ZNF385D: variants seen among roughly 807,000 people sequenced by gnomAD.
ZNF385D encodes the protein zinc finger protein 385D, also known as zinc finger protein 659.
Under a neutral mutation model 35.8 loss-of-function variants are expected in ZNF385D, and 15 were observed. That is an observed-to-expected ratio of 0.42 (90% CI 0.28 to 0.64). ZNF385D has a LOEUF of 0.64. Among genes scored for constraint, ZNF385D ranks in the 30% least tolerant of loss-of-function variants. The pLI, the probability that ZNF385D is intolerant of heterozygous loss-of-function variation, is 0.23. For synonymous variants in ZNF385D, 212 were observed against 186.8 expected, an observed-to-expected ratio of 1.13 and a Z score of -1.10; for missense variants, 474 against 494.6, an observed-to-expected ratio of 0.96 and a Z score of 0.39.
intron 3 of ZNF385D, among the ~76,000 whole-genome samples, chr3:21,798,521 T>C (rs1005069990): frequency 6.6e-6 from 1 of 152,168 alleles, no homozygotes; most frequent in Admixed American, 6.5e-5. Flanking sequence ...AAGCGTCTGC[T>C]GCAGTTTCTT....
At chr3:22,128,997 G>A (rs1030724640) in intron 3 of ZNF385D, among the ~76,000 whole-genome samples, 2 of 152,140 alleles carry the variant, frequency 1.3e-5, no homozygotes, top group East Asian at 1.9e-4. Flanking sequence ...AGGGAATTGA[G>A]TGTTGTGTTC....
chr3:21,460,268 TGAA>T (rs1703082345), intron 4 of ZNF385D, among the ~76,000 whole-genome samples: 1 of 152,166 alleles, frequency 6.6e-6, no homozygotes, highest in Admixed American at 6.5e-5. Context: ...AACGTAAATT[TGAA>T]GAAGACTGCT....
chr3:21,575,257 C>A lies in ZNF385D; in HGVS notation c.166-10573G>T, dbSNP rs189084213. 1.4e-3 allele frequency among the ~76,000 whole-genome samples: 220 copies of A among 152,190 alleles called. 2 individuals carry two copies. The South Asian group carries it at 0.02, about 14-fold the overall frequency. ...GAGTATCAGTCACCCAAGACCAAGA[C>A]CCAGGTCTGTGCAGGGTGGAGGTGG... On this transcript the variant is annotated intron_variant, in intron 2 of 7. Coordinates refer to ENST00000281523, the MANE Select transcript of ZNF385D (RefSeq NM_024697.3).
At chr3:21,792,419 G>A (rs1458140892) in intron 3 of ZNF385D, among the ~76,000 whole-genome samples, 1 of 152,144 alleles carries the variant, frequency 6.6e-6, no homozygotes, top group Non-Finnish European at 1.5e-5. Context: ...CTTTTTATTG[G>A]AAGATAGCCA....
chr3:22,185,549 C>A, intron 2 of ZNF385D, among the ~76,000 whole-genome samples: 1 of 152,132 alleles, frequency 6.6e-6, no homozygotes. Context: ...CTCACTGCAA[C>A]CTCCGCCTCC....
At chr3:21,866,873 A>G (rs1051216948) in intron 3 of ZNF385D, among the ~76,000 whole-genome samples, 1 of 152,172 alleles carries the variant, frequency 6.6e-6, no homozygotes. Flanking sequence ...CTTTGGGCTT[A>G]AGATAGGTCC....
intron 3 of ZNF385D, among the ~76,000 whole-genome samples, chr3:21,926,432 G>C (rs770649141): frequency 6.6e-6 from 1 of 152,074 alleles, no homozygotes; most frequent in African/African-American, 2.4e-5. Flanking sequence ...ATGGTTTCCA[G>C]CTTAATCCAT....
intron 3 of ZNF385D, among the ~76,000 whole-genome samples, chr3:21,940,847 G>T (rs1418267171): frequency 6.6e-6 from 1 of 152,100 alleles, no homozygotes; most frequent in Non-Finnish European, 1.5e-5. Flanking sequence ...TCATAATACA[G>T]AAATAGTTTT....
At chr3:21,426,764 A>G (rs527291895) in intron 5 of ZNF385D, among the ~76,000 whole-genome samples, 1 of 152,292 alleles carries the variant, frequency 6.6e-6, no homozygotes, top group East Asian at 1.9e-4. Context: ...GTTAATGAGG[A>G]AAATATATTG....
intron 3 of ZNF385D, among the ~76,000 whole-genome samples, chr3:22,057,832 A>G (rs1204190856): frequency 8.5e-5 from 13 of 152,244 alleles, no homozygotes; most frequent in East Asian, 3.9e-4. Flanking sequence ...TTAAAACCCA[A>G]TTTACTTTTC....
Position 21,728,100 on chromosome 3 carries a change from C to T in ZNF385D, c.22+22795G>A, listed in dbSNP as rs563065689. 3.3e-5 allele frequency among the ~76,000 whole-genome samples: 5 copies of T among 152,130 alleles called. No homozygotes were observed. The East Asian group carries it at 5.8e-4, about 18-fold the overall frequency. ...GAGTTGAACAATGAGAACACATGGA[C>T]ACAGGGAGTGAACATCACACATCGC... On this transcript the variant is annotated intron_variant, in intron 1 of 7. Coordinates refer to ENST00000281523, the MANE Select transcript of ZNF385D (RefSeq NM_024697.3).
chr3:22,140,301 C>T (rs1310126396), intron 3 of ZNF385D, among the ~76,000 whole-genome samples: 1 of 152,042 alleles, frequency 6.6e-6, no homozygotes, highest in Admixed American at 6.6e-5. Context: ...CATAATGCTG[C>T]CTAAAAGAAA....
In ZNF385D at chr3:22,238,362, C is replaced by G. The variant is rs117812240; in HGVS notation, c.107-69327G>C. On this transcript the variant is annotated intron_variant, in intron 2 of 5. Coordinates refer to the ZNF385D transcript ENST00000494108. Reference sequence around the variant, plus strand: ...ATTTCTCCAAAGAACATAGTTGGGACTTTGATAGAGATTGCTTTGAATCTG... The same window carrying G: ...ATTTCTCCAAAGAACATAGTTGGGAGTTTGATAGAGATTGCTTTGAATCTG... Among the ~76,000 whole-genome samples, 315 of 151,092 alleles carry G rather than the reference C, an allele frequency of 2.1e-3. 13 individuals carry two copies. The highest frequency in any genetic ancestry group is 0.016 in the East Asian group (83 of 5,106).
intron 2 of ZNF385D, among the ~76,000 whole-genome samples, chr3:21,583,281 A>C (rs1402056417): frequency 6.6e-6 from 1 of 152,204 alleles, no homozygotes; most frequent in Admixed American, 6.5e-5. Context: ...GCACATTGAG[A>C]AACACTGATT....
At chr3:21,645,945 C>G (rs1033771735) in intron 2 of ZNF385D, among the ~76,000 whole-genome samples, 2 of 152,094 alleles carry the variant, frequency 1.3e-5, no homozygotes, top group Non-Finnish European at 2.9e-5. Context: ...AGATGAGTTT[C>G]AAATTTGTCT....
At chr3:21,868,842 G>A (rs1167793852) in intron 3 of ZNF385D, among the ~76,000 whole-genome samples, 1 of 152,036 alleles carries the variant, frequency 6.6e-6, no homozygotes, top group South Asian at 2.1e-4. Context: ...AATTCTTATT[G>A]CATTGTGGAC....
chr3:21,820,512 A>G (rs1461044891), intron 3 of ZNF385D, among the ~76,000 whole-genome samples: 1 of 151,840 alleles, frequency 6.6e-6, no homozygotes, highest in Admixed American at 6.6e-5. Context: ...AAAAAACTAA[A>G]TAAGCTATGA....
chr3:22,190,069 G>C (rs1384441304), intron 2 of ZNF385D, among the ~76,000 whole-genome samples: 1 of 152,116 alleles, frequency 6.6e-6, no homozygotes, highest in Non-Finnish European at 1.5e-5. Flanking sequence ...AAATGGCCCA[G>C]TGGGTGTAAC....
chr3:21,878,217 T>C (rs1007099749), intron 3 of ZNF385D: 1 of 151,956 alleles, frequency 6.6e-6, no homozygotes, highest in African/African-American at 2.4e-5. Context: ...AGAGAGATCT[T>C]AAGTAACTTA....
Sources: allele counts gnomAD v4.1 joint callset (sites outside exome capture counted in the v4.1 genomes callset), GRCh38; gene constraint gnomAD v4.1.1; transcripts MANE v1.5; gene names NCBI Gene and HGNC (gene_info 2026-07-23, HGNC 2026-07-21).